Variants in CAMTA1 observed in about 807,000 individuals in gnomAD.
CAMTA1 encodes calmodulin binding transcription activator 1.
CAMTA1 carries 27 observed loss-of-function variants against 170.9 expected under a neutral mutation model. That is an observed-to-expected ratio of 0.16 (90% CI 0.12 to 0.22). The LOEUF is 0.22. Among genes scored for constraint, CAMTA1 ranks in the 10% least tolerant of loss-of-function variants. The pLI, the probability that CAMTA1 is intolerant of heterozygous loss-of-function variation, is 1.00. For synonymous variants in CAMTA1, 833 were observed against 891.5 expected, an observed-to-expected ratio of 0.93 and a Z score of 1.17; for missense variants, 1,619 against 2,217.2, an observed-to-expected ratio of 0.73 and a Z score of 5.42.
At chr1:7,649,313 CT>C (rs1487638440) in intron 7 of CAMTA1, among the ~76,000 whole-genome samples, 2 of 152,236 alleles carry the variant, frequency 1.3e-5, no homozygotes, top group African/African-American at 2.4e-5. Flanking sequence ...GCCCGGCTCC[CT>C]GCCTGCATCT....
intron 4 of CAMTA1, among the ~76,000 whole-genome samples, chr1:7,239,635 A>ATTTTT (rs34166595): frequency 9.6e-6 from 1 of 103,978 alleles, no homozygotes; most frequent in Non-Finnish European, 1.9e-5. Flanking sequence ...TTCAAGGTCA[A>ATTTTT]TTTTTTTTTT....
intron 6 of CAMTA1, among the ~76,000 whole-genome samples, chr1:7,505,809 C>T (rs11120953): frequency 0.33 from 50,244 of 152,072 alleles, 8,639 homozygotes; most frequent in Non-Finnish European, 0.37. Context: ...CTTGGGTGTC[C>T]GGCCCCAGTG....
At chr1:6,835,460 C>CA (rs1423655771) in intron 3 of CAMTA1, among the ~76,000 whole-genome samples, 3 of 152,176 alleles carry the variant, frequency 2.0e-5, no homozygotes, top group African/African-American at 7.2e-5. Context: ...GAGAGGCTGG[C>CA]ATTCTTTAGC....
chr1:6,904,448 G>A (rs961110855), intron 3 of CAMTA1, among the ~76,000 whole-genome samples: 4 of 151,964 alleles, frequency 2.6e-5, no homozygotes, highest in African/African-American at 9.7e-5. Flanking sequence ...AGAGCTCTCT[G>A]GACTGTTTTC....
chr1:7,577,638 A>C (rs1054919939), intron 6 of CAMTA1, among the ~76,000 whole-genome samples: 3 of 151,796 alleles, frequency 2.0e-5, no homozygotes, highest in African/African-American at 7.3e-5. Context: ...GATGTTCTTC[A>C]CACTCACACC....
At chr1:7,351,234 G>A (rs2084645979) in intron 5 of CAMTA1, among the ~76,000 whole-genome samples, 1 of 152,268 alleles carries the variant, frequency 6.6e-6, no homozygotes, top group Non-Finnish European at 1.5e-5. Context: ...TGATGTCTGA[G>A]GAATGCCTTT....
In CAMTA1 at chr1:7,568,166, CA is replaced by C. The variant is rs574056941; in HGVS notation, c.511-72233del. ...TCACCATCATCATCCTTATCATCACCATCACTACCACCATCCATCATCAACA... is the reference window on the plus strand; with the variant it reads ...TCACCATCATCATCCTTATCATCACCTCACTACCACCATCCATCATCAACA... On this transcript the variant is annotated intron_variant, in intron 6 of 22. Coordinates refer to ENST00000303635, the MANE Select transcript of CAMTA1 (RefSeq NM_015215.4). Among the ~76,000 whole-genome samples the C allele has an allele frequency of 1.3e-3, 199 of 151,280 alleles. 1 individual carries two copies. Among genetic ancestry groups the C allele is most frequent in the African/African-American group, 4.5e-3 (183 of 40,766 alleles).
At chr1:7,480,336 T>C (rs1318738307) in intron 6 of CAMTA1, among the ~76,000 whole-genome samples, 2 of 151,264 alleles carry the variant, frequency 1.3e-5, no homozygotes, top group East Asian at 3.9e-4. Flanking sequence ...TATGAGTGCA[T>C]GTATATGTGC....
chr1:7,619,337 A>G (rs546808862), intron 6 of CAMTA1, among the ~76,000 whole-genome samples: 42 of 152,334 alleles, frequency 2.8e-4, no homozygotes, highest in African/African-American at 7.9e-4. Flanking sequence ...GGGTTCAGCC[A>G]TGTCACCAGC....
chr1:7,199,588 G>C (rs1656260672), intron 4 of CAMTA1, among the ~76,000 whole-genome samples: 2 of 152,126 alleles, frequency 1.3e-5, no homozygotes, highest in African/African-American at 4.8e-5. Context: ...TCCCACCCAA[G>C]GCAGCGGTGG....
chr1:7,145,730 C>T (rs746170424), intron 4 of CAMTA1, among the ~76,000 whole-genome samples: 4 of 152,180 alleles, frequency 2.6e-5, no homozygotes, highest in African/African-American at 7.2e-5. Flanking sequence ...ACAGAGGGGC[C>T]GGGACGATTG....
intron 3 of CAMTA1, among the ~76,000 whole-genome samples, chr1:6,913,222 C>T (rs145587965): frequency 0.014 from 2,137 of 152,302 alleles, 26 homozygotes; most frequent in Non-Finnish European, 0.02. Context: ...TTTGCTCTGG[C>T]GGCCACTGCT....
At chr1:7,335,569 C>A (rs903576970) in intron 5 of CAMTA1, among the ~76,000 whole-genome samples, 32 of 152,038 alleles carry the variant, frequency 2.1e-4, no homozygotes, top group African/African-American at 7.7e-4. Context: ...TGGGTCTGCA[C>A]CTGAGAGCCA....
At position 6,860,192 on chromosome 1, in the gene CAMTA1, ATG is replaced by A. The variant is rs1467745517; in HGVS notation, c.234+34983_234+34984del. 6.6e-5 allele frequency among the ~76,000 whole-genome samples: 10 copies of A among 152,296 alleles called. 1 individual carries two copies. In the East Asian group the frequency reaches 1.2e-3, roughly 18 times the overall value. On this transcript the variant is annotated intron_variant, in intron 3 of 22. Transcript: ENST00000303635. Reference sequence around the variant, plus strand: ...TGTCCTCATGCCAATCCTATGAGTCATGCTCCCAAACTCTGAATCTTTTTGGC... The same window carrying A: ...TGTCCTCATGCCAATCCTATGAGTCACTCCCAAACTCTGAATCTTTTTGGC...
intron 11 of CAMTA1, among the ~76,000 whole-genome samples, chr1:7,705,191 T>G (rs1009695822): frequency 1.3e-3 from 200 of 149,856 alleles, no homozygotes; most frequent in Non-Finnish European, 2.2e-3. Flanking sequence ...GGGGCGTGTT[T>G]CTGGGGCGAG....
At chr1:6,877,197 TC>T (rs1327100886) in intron 3 of CAMTA1, among the ~76,000 whole-genome samples, 1 of 152,056 alleles carries the variant, frequency 6.6e-6, no homozygotes, top group Non-Finnish European at 1.5e-5. Flanking sequence ...CCTTCTGCGC[TC>T]CCCCTCCCAT....
intron 4 of CAMTA1, among the ~76,000 whole-genome samples, chr1:7,178,240 C>T (rs1651368215): frequency 1.3e-5 from 2 of 152,022 alleles, no homozygotes; most frequent in South Asian, 2.1e-4. Context: ...AGGAAATATC[C>T]CTCACTATTT....
intron 3 of CAMTA1, among the ~76,000 whole-genome samples, chr1:7,057,901 C>T (rs531123165): frequency 6.6e-6 from 1 of 152,192 alleles, no homozygotes; most frequent in Non-Finnish European, 1.5e-5. Context: ...TCTGAGGATG[C>T]CCCCTTCTCT....
At chr1:7,026,693 C>T (rs980577244) in intron 3 of CAMTA1, among the ~76,000 whole-genome samples, 6 of 145,192 alleles carry the variant, frequency 4.1e-5, no homozygotes, top group Admixed American at 2.1e-4. Context: ...TGCAGTGGCG[C>T]GATCTCAGCT....
Sources: gnomAD v4.1 joint callset for allele counts (sites outside exome capture counted in the v4.1 genomes callset) on GRCh38, gnomAD v4.1.1 for gene constraint, MANE v1.5 for transcripts, NCBI Gene and HGNC (gene_info 2026-07-23, HGNC 2026-07-21) for gene names.